NRP2: variants seen among roughly 807,000 people sequenced by gnomAD.
NRP2 encodes neuropilin-2.
NRP2 carries 52 observed loss-of-function variants against 110.4 expected under a neutral mutation model. The observed-to-expected ratio is 0.47, with a 90% CI of 0.38 to 0.59. The LOEUF is 0.59. Ranked by LOEUF, NRP2 falls within the 20% of genes least tolerant of loss-of-function variation. The probability of loss-of-function intolerance (pLI) is 0.00; values close to 1 mark genes in which losing one functional copy is unlikely to be tolerated. For synonymous variants in NRP2, 508 were observed against 468.9 expected (o/e 1.08, Z -1.08); for missense variants, 1,049 against 1,203.0 (o/e 0.87, Z 1.89).
rs2057076266 is a variant in NRP2, at chr2:205,724,045, T to C, written c.820+105T>C. On this transcript the variant is annotated intron_variant, in intron 5 of 16. Coordinates refer to ENST00000357785, the MANE Select transcript of NRP2 (RefSeq NM_003872.3). Reference sequence around the variant, plus strand: ...CTTATGAGGGAGGAGATGGGAACTCTACGGAATTTATGGTGGCATCTGAGT... The same window carrying C: ...CTTATGAGGGAGGAGATGGGAACTCCACGGAATTTATGGTGGCATCTGAGT... The C allele has an allele frequency of 5.4e-6, 7 of 1,297,610 alleles. No homozygotes were observed. The Admixed American group carries it at 1.1e-4, about 21-fold the overall frequency. 80.4% of individuals were successfully genotyped at this position (1,297,610 alleles called of 1,614,324 possible). A position where few individuals can be genotyped will look rare whatever the true frequency, so the allele number is the denominator to read the frequency against.
chr2:205,728,607 G>C (rs534708168), intron 7 of NRP2, among the ~76,000 whole-genome samples: 2 of 152,332 alleles, frequency 1.3e-5, no homozygotes, highest in South Asian at 4.1e-4. Context: ...GGTGCCTCCC[G>C]CATCTGCGGC....
chr2:205,754,741 G>GT (rs1335505957), intron 12 of NRP2, among the ~76,000 whole-genome samples: 4 of 152,162 alleles, frequency 2.6e-5, no homozygotes, highest in Non-Finnish European at 5.9e-5. Context: ...TGGGGTCTGT[G>GT]TAGGTGTGGG....
intron 15 of NRP2, among the ~76,000 whole-genome samples, chr2:205,791,814 T>TC (rs1465326194): frequency 6.6e-6 from 1 of 152,218 alleles, no homozygotes; most frequent in Non-Finnish European, 1.5e-5. Flanking sequence ...GGAGAAAGAC[T>TC]CTGATGCTTT....
intron 1 of NRP2, among the ~76,000 whole-genome samples, chr2:205,687,101 A>G (rs1382635947): frequency 1.3e-5 from 2 of 151,964 alleles, no homozygotes; most frequent in Non-Finnish European, 2.9e-5. Context: ...GAGAGCTTTG[A>G]TCTATGCTTG....
At chr2:205,705,600 A>G (rs1346896111) in intron 2 of NRP2, among the ~76,000 whole-genome samples, 1 of 152,202 alleles carries the variant, frequency 6.6e-6, no homozygotes, top group African/African-American at 2.4e-5. Context: ...TTAGACAACA[A>G]TAGCAAACAT....
intron 15 of NRP2, among the ~76,000 whole-genome samples, chr2:205,781,706 A>C (rs2058176133): frequency 6.6e-6 from 1 of 152,164 alleles, no homozygotes; most frequent in Non-Finnish European, 1.5e-5. Flanking sequence ...CACAGCTGTA[A>C]TTTGCCTTTC....
At chr2:205,754,113 G>A (rs1161668458) in intron 12 of NRP2, among the ~76,000 whole-genome samples, 1 of 152,242 alleles carries the variant, frequency 6.6e-6, no homozygotes, top group Non-Finnish European at 1.5e-5. Context: ...GAGTGACTTT[G>A]AATTCTCCTG....
At chr2:205,714,995 C>T (rs1211314939) in intron 2 of NRP2, among the ~76,000 whole-genome samples, 1 of 152,160 alleles carries the variant, frequency 6.6e-6, no homozygotes, top group Non-Finnish European at 1.5e-5. Flanking sequence ...TCCTTACCCG[C>T]AAGGAAGAGA....
At chr2:205,731,819 A>G (rs1295395266) in intron 7 of NRP2, among the ~76,000 whole-genome samples, 8 of 152,202 alleles carry the variant, frequency 5.3e-5, no homozygotes, top group East Asian at 1.9e-4. Context: ...CCCCACCAGG[A>G]GTGGAAGGAA....
At chr2:205,715,640 G>A (rs2105790461) in intron 2 of NRP2, among the ~76,000 whole-genome samples, 1 of 152,192 alleles carries the variant, frequency 6.6e-6, no homozygotes, top group Middle Eastern at 3.4e-3. Context: ...TGAAACAGGG[G>A]GCTGGAGGGA....
At chr2:205,727,643 C>T (rs1315932958) in intron 6 of NRP2, among the ~76,000 whole-genome samples, 1 of 152,098 alleles carries the variant, frequency 6.6e-6, no homozygotes, top group African/African-American at 2.4e-5. Flanking sequence ...CGAGTATTGT[C>T]CCTTCATATT....
chr2:205,755,112 T>A (rs946187640), intron 12 of NRP2, among the ~76,000 whole-genome samples: 1 of 152,140 alleles, frequency 6.6e-6, no homozygotes, highest in Admixed American at 6.5e-5. Flanking sequence ...CACCACCGCC[T>A]CCTCCTCGTC....
At chr2:205,784,988 CAG>C (rs1320049116) in intron 15 of NRP2, among the ~76,000 whole-genome samples, 1 of 152,136 alleles carries the variant, frequency 6.6e-6, no homozygotes, top group African/African-American at 2.4e-5. Context: ...CTTGAATGGG[CAG>C]AGAGAGGTAC....
rs948585603 is a variant in NRP2 at position 205,795,104 on chromosome 2, G to A, written c.*46G>A. The A allele has an allele frequency of 1.3e-6, 2 of 1,551,928 alleles. No individual in the cohort carries two copies. The highest frequency in any genetic ancestry group is 2.3e-5 in the East Asian group (1 of 44,066). On this transcript the variant is annotated 3_prime_UTR_variant, in exon 17 of 17. Coordinates refer to ENST00000357785, the MANE Select transcript of NRP2 (RefSeq NM_003872.3). ...TCTGACGTTTCATTCCAGCAAGAGG[G>A]GCTGGGGAAGATTACATTTTTTTTT...
chr2:205,743,959 G>C lies in NRP2; in HGVS notation c.1641+407G>C, dbSNP rs1433263992. On this transcript the variant is annotated intron_variant, in intron 9 of 16. Transcript: ENST00000357785. ...GGGTTTCACCGTATTGGTCAGGCTG[G>C]TCTCGAACTCCTGACCTCAAGTGAT... 5.3e-5 allele frequency among the ~76,000 whole-genome samples: 8 copies of C among 152,140 alleles called. No homozygotes were observed. The South Asian group carries it at 6.2e-4, about 12-fold the overall frequency.
intron 1 of NRP2, among the ~76,000 whole-genome samples, chr2:205,684,436 C>A (rs1434413575): frequency 1.3e-5 from 2 of 152,154 alleles, no homozygotes; most frequent in Non-Finnish European, 2.9e-5. Context: ...GTGCCCTCAC[C>A]CAAGGCACTT....
chr2:205,793,994 T>C (rs183747799), intron 16 of NRP2, among the ~76,000 whole-genome samples: 1 of 152,016 alleles, frequency 6.6e-6, no homozygotes, highest in African/African-American at 2.4e-5. Flanking sequence ...CTTGAGGAGG[T>C]TGGAAAGGAG....
At chr2:205,722,150 C>CTCTT (rs2057026744) in intron 3 of NRP2, 1 of 297,732 alleles carries the variant, frequency 3.4e-6, no homozygotes, top group Admixed American at 4.3e-5. Context: ...GAATCCCTCT[C>CTCTT]TCTCTCTCTC....
At chr2:205,715,754 T>C (rs968125169) in intron 2 of NRP2, among the ~76,000 whole-genome samples, 4 of 152,100 alleles carry the variant, frequency 2.6e-5, no homozygotes, top group African/African-American at 4.8e-5. Flanking sequence ...CTCCCCAGCC[T>C]TGTGGAGTGG....
Sources: gnomAD v4.1 joint callset for allele counts (sites outside exome capture counted in the v4.1 genomes callset) on GRCh38, gnomAD v4.1.1 for gene constraint, MANE v1.5 for transcripts, NCBI Gene and HGNC (gene_info 2026-07-23, HGNC 2026-07-21) for gene names.